Variants in PTPRK observed in about 807,000 individuals in gnomAD.
PTPRK encodes the protein protein tyrosine phosphatase receptor type K.
A neutral mutation model predicts 178.0 loss-of-function variants in PTPRK; 75 were observed. The ratio of observed to expected loss-of-function variants is 0.42; its 90% CI spans 0.35 to 0.51. PTPRK has a LOEUF of 0.51. PTPRK is among the 20% of genes least tolerant of loss of function. PTPRK has a pLI of 0.02. For missense variants in PTPRK, 1,441 were observed against 1,797.8 expected (o/e 0.80, Z 3.59); for synonymous variants, 637 against 620.6 (o/e 1.03, Z -0.39).
chr6:127,983,065 C>T, intron 23 of PTPRK, 85 bp from the exon 24 acceptor site: 1 of 1,421,558 alleles, frequency 7.0e-7, no homozygotes, highest in Non-Finnish European at 9.6e-7. Context: ...AGAAAATTTT[C>T]TCTATATGGA....
intron 3 of PTPRK, among the ~76,000 whole-genome samples, chr6:128,262,724 A>G (rs1009616728): frequency 1.3e-5 from 2 of 152,120 alleles, no homozygotes; most frequent in African/African-American, 2.4e-5. Context: ...TGATGCATTT[A>G]TACGAAAAGT....
chr6:128,417,948 C>T (rs1562480322), intron 1 of PTPRK, among the ~76,000 whole-genome samples: 1 of 152,152 alleles, frequency 6.6e-6, no homozygotes, highest in Non-Finnish European at 1.5e-5. Flanking sequence ...CATTACTTCC[C>T]ACCCATATAC....
At chr6:128,330,666 G>C (rs559306181) in intron 2 of PTPRK, among the ~76,000 whole-genome samples, 25 of 152,160 alleles carry the variant, frequency 1.6e-4, no homozygotes, top group African/African-American at 5.5e-4. Flanking sequence ...AATCGTTTCT[G>C]ATACATAGCC....
chr6:128,060,368 T>A lies in PTPRK; in HGVS notation c.2194+4390A>T, dbSNP rs886653293. Among the ~76,000 whole-genome samples, 3 of 152,304 alleles carry A rather than the reference T, an allele frequency of 2.0e-5. No individual in the cohort carries two copies. In the East Asian group the frequency reaches 5.8e-4, roughly 29 times the overall value. ...AGCAAAACATGGTACATTCTTATGC[T>A]ACTTAGTTATGTCCATCCTTAAGAC... On this transcript the variant is annotated intron_variant, in intron 13 of 29. Transcript: ENST00000368226.
chr6:127,976,239 C>T (rs1774574286), intron 27 of PTPRK, among the ~76,000 whole-genome samples: 1 of 152,184 alleles, frequency 6.6e-6, no homozygotes. Context: ...CAACATGTCT[C>T]TTTCCTCCTG....
At chr6:128,136,330 A>G (rs1396781506) in intron 7 of PTPRK, among the ~76,000 whole-genome samples, 1 of 152,202 alleles carries the variant, frequency 6.6e-6, no homozygotes, top group Non-Finnish European at 1.5e-5. Flanking sequence ...ATCTGAGAAA[A>G]GCATTACATA....
chr6:128,509,877 T>C (rs921407031), intron 1 of PTPRK, among the ~76,000 whole-genome samples: 2 of 152,138 alleles, frequency 1.3e-5, no homozygotes, highest in African/African-American at 4.8e-5. Context: ...CTTCACCTCA[T>C]TCATATATTT....
chr6:128,334,605 A>C (rs971980109), intron 2 of PTPRK, among the ~76,000 whole-genome samples: 2 of 152,224 alleles, frequency 1.3e-5, no homozygotes, highest in Admixed American at 1.3e-4. Context: ...AAAGTTTTTC[A>C]ACTCAGTTCT....
intron 2 of PTPRK, among the ~76,000 whole-genome samples, chr6:128,372,152 C>T (rs541408100): frequency 2.0e-5 from 3 of 152,288 alleles, no homozygotes; most frequent in African/African-American, 7.2e-5. Flanking sequence ...CCCAACTTCT[C>T]GTTCTGTTTC....
At chr6:128,461,640 T>C (rs1189533944) in intron 1 of PTPRK, among the ~76,000 whole-genome samples, 1 of 152,186 alleles carries the variant, frequency 6.6e-6, no homozygotes, top group Non-Finnish European at 1.5e-5. Context: ...TTCACCCTTT[T>C]AAAACGTACA....
At chr6:128,392,105 C>A (rs1839673878) in intron 2 of PTPRK, among the ~76,000 whole-genome samples, 2 of 152,088 alleles carry the variant, frequency 1.3e-5, no homozygotes. Flanking sequence ...TCACCCCTAC[C>A]CCTTTCTGTA....
At chr6:127,982,780 C>T (rs368292046) in intron 24 of PTPRK, 51 bp downstream of exon 24, 1 of 1,524,490 alleles carries the variant, frequency 6.6e-7, no homozygotes, top group Admixed American at 1.9e-5. Context: ...TTCCTAGCGC[C>T]CAGAACAAAT....
chr6:128,064,508 G>A (rs1781413830), intron 13 of PTPRK, among the ~76,000 whole-genome samples: 2 of 152,130 alleles, frequency 1.3e-5, no homozygotes, highest in Non-Finnish European at 2.9e-5. Context: ...AGATTTTTCA[G>A]ACACTAAATG....
chr6:128,382,944 A>AT (rs989374132), intron 2 of PTPRK, among the ~76,000 whole-genome samples: 5 of 152,140 alleles, frequency 3.3e-5, no homozygotes, highest in African/African-American at 1.2e-4. Flanking sequence ...ATGTCATCCT[A>AT]TTTTTTAAAG....
At chr6:128,229,009 T>A (rs1315401390) in intron 5 of PTPRK, among the ~76,000 whole-genome samples, 1 of 152,128 alleles carries the variant, frequency 6.6e-6, no homozygotes, top group African/African-American at 2.4e-5. Flanking sequence ...AAAACTATTA[T>A]CAACATCTAA....
intron 8 of PTPRK, among the ~76,000 whole-genome samples, chr6:128,088,986 G>C (rs1426031156): frequency 6.6e-6 from 1 of 152,136 alleles, no homozygotes; most frequent in Non-Finnish European, 1.5e-5. Flanking sequence ...CCTTGAGACG[G>C]AGTTTTGCTC....
At chr6:128,458,676 A>G (rs1298249443) in intron 1 of PTPRK, among the ~76,000 whole-genome samples, 1 of 152,250 alleles carries the variant, frequency 6.6e-6, no homozygotes, top group Non-Finnish European at 1.5e-5. Flanking sequence ...CACAATGTAT[A>G]TATGAATTAA....
At chr6:128,052,132 TG>T (rs1779117020) in intron 13 of PTPRK, among the ~76,000 whole-genome samples, 1 of 152,218 alleles carries the variant, frequency 6.6e-6, no homozygotes, top group Admixed American at 6.5e-5. Context: ...TTCACTTATA[TG>T]TTGGAAAAAC....
chr6:128,505,130 A>C (rs1456092111), intron 1 of PTPRK, among the ~76,000 whole-genome samples: 3 of 143,850 alleles, frequency 2.1e-5, no homozygotes, highest in African/African-American at 7.7e-5. Context: ...TTTGAGACGG[A>C]GTCTCACTCT....
Sources: gnomAD v4.1 joint callset for allele counts (sites outside exome capture counted in the v4.1 genomes callset) on GRCh38, gnomAD v4.1.1 for gene constraint, MANE v1.5 for transcripts, NCBI Gene and HGNC (gene_info 2026-07-23, HGNC 2026-07-21) for gene names.